CREB5: variants seen among roughly 807,000 people sequenced by gnomAD.
CREB5 encodes the protein cyclic AMP-responsive element-binding protein 5.
Under a neutral mutation model 57.1 loss-of-function variants are expected in CREB5, and 19 were observed. The ratio of observed to expected loss-of-function variants is 0.33; its 90% confidence interval spans 0.23 to 0.49. CREB5 has a LOEUF of 0.49. Among genes scored for constraint, CREB5 ranks in the 20% least tolerant of loss-of-function variants. CREB5 has a pLI of 0.99. For missense variants in CREB5, 579 were observed against 671.6 expected, an observed-to-expected ratio of 0.86 and a Z score of 1.52; for synonymous variants, 238 against 238.3, an observed-to-expected ratio of 1.00 and a Z score of 0.01.
At chr7:28,733,442 C>G (rs977280051) in intron 7 of CREB5, among the ~76,000 whole-genome samples, 3 of 152,178 alleles carry the variant, frequency 2.0e-5, no homozygotes, top group African/African-American at 7.2e-5. Flanking sequence ...CTCAGGAGCC[C>G]GGCATTTTCC....
At chr7:28,527,964 C>T in intron 4 of CREB5, among the ~76,000 whole-genome samples, 1 of 152,218 alleles carries the variant, frequency 6.6e-6, no homozygotes, top group South Asian at 2.1e-4. Context: ...CTTACCAAGT[C>T]ATTTAACTTT....
chr7:28,665,260 A>G (rs575133869), intron 5 of CREB5, among the ~76,000 whole-genome samples: 184 of 152,254 alleles, frequency 1.2e-3, no homozygotes, highest in African/African-American at 4.3e-3. Flanking sequence ...ACCAGTGATC[A>G]ATGTTGCCTG....
intron 4 of CREB5, among the ~76,000 whole-genome samples, chr7:28,561,289 A>G (rs1389824609): frequency 6.6e-6 from 1 of 152,210 alleles, no homozygotes; most frequent in Non-Finnish European, 1.5e-5. Flanking sequence ...GTTCAGAGCT[A>G]GAAGGAAGAC....
intron 5 of CREB5, among the ~76,000 whole-genome samples, chr7:28,647,744 G>T (rs1273149810): frequency 2.6e-5 from 4 of 152,124 alleles, no homozygotes; most frequent in Non-Finnish European, 5.9e-5. Flanking sequence ...TGGAAATGTG[G>T]CTGGTGCAAC....
intron 7 of CREB5, among the ~76,000 whole-genome samples, chr7:28,803,705 G>A (rs150408370): frequency 0.061 from 8,847 of 145,056 alleles, 346 homozygotes; most frequent in East Asian, 0.091. Context: ...GCAGTGAGCC[G>A]AGATCGCACC....
intron 9 of CREB5, among the ~76,000 whole-genome samples, chr7:28,810,946 A>C (rs941634411): frequency 6.6e-6 from 1 of 152,148 alleles, no homozygotes; most frequent in Non-Finnish European, 1.5e-5. Flanking sequence ...TTCCCCCTAA[A>C]TGTGTCATTC....
At chr7:28,777,877 A>C (rs372373243) in intron 7 of CREB5, among the ~76,000 whole-genome samples, 11 of 152,316 alleles carry the variant, frequency 7.2e-5, no homozygotes, top group African/African-American at 2.4e-4. Flanking sequence ...GTCACTTGGA[A>C]CTCAGTTACT....
At chr7:28,366,358 A>G (rs1786586676) in intron 1 of CREB5, among the ~76,000 whole-genome samples, 1 of 152,216 alleles carries the variant, frequency 6.6e-6, no homozygotes, top group Admixed American at 6.5e-5. Context: ...TCTAAAAGAA[A>G]ACTGTATTGT....
intron 1 of CREB5, among the ~76,000 whole-genome samples, chr7:28,335,342 T>C (rs1785803953): frequency 6.6e-6 from 1 of 152,172 alleles, no homozygotes; most frequent in African/African-American, 2.4e-5. Context: ...AAATGTCTTT[T>C]CATTTTCTTC....
At chr7:28,646,340 G>A (rs557334750) in intron 5 of CREB5, among the ~76,000 whole-genome samples, 1 of 152,192 alleles carries the variant, frequency 6.6e-6, no homozygotes, top group East Asian at 1.9e-4. Context: ...AGGTAGTCTA[G>A]TGGTTAGGGG....
intron 7 of CREB5, among the ~76,000 whole-genome samples, chr7:28,774,424 T>C (rs1806509215): frequency 6.6e-6 from 1 of 152,174 alleles, no homozygotes; most frequent in Non-Finnish European, 1.5e-5. Flanking sequence ...TATGGGTCCT[T>C]TTAAAAGGCA....
intron 1 of CREB5, among the ~76,000 whole-genome samples, chr7:28,351,855 G>T (rs1342583699): frequency 1.3e-5 from 2 of 152,144 alleles, no homozygotes; most frequent in African/African-American, 4.8e-5. Flanking sequence ...CAGTAATAAA[G>T]TTTGGTAATA....
chr7:28,402,388 A>G (rs1787486404), intron 1 of CREB5, among the ~76,000 whole-genome samples: 1 of 152,220 alleles, frequency 6.6e-6, no homozygotes, highest in Non-Finnish European at 1.5e-5. Flanking sequence ...AAAGGAACAA[A>G]GCTGGAGGCA....
At chr7:28,600,310 C>T (rs1035385717) in intron 5 of CREB5, among the ~76,000 whole-genome samples, 4 of 152,172 alleles carry the variant, frequency 2.6e-5, no homozygotes, top group Admixed American at 6.6e-5. Context: ...GTCCTGACAT[C>T]TCCTCCCGTG....
chr7:28,623,909 T>A (rs192121703), intron 5 of CREB5, among the ~76,000 whole-genome samples: 1 of 152,322 alleles, frequency 6.6e-6, no homozygotes, highest in Admixed American at 6.5e-5. Context: ...TAGTCTACTT[T>A]GCCACTTTGT....
intron 5 of CREB5, among the ~76,000 whole-genome samples, chr7:28,621,780 C>T (rs981049635): frequency 2.0e-5 from 3 of 152,048 alleles, no homozygotes; most frequent in African/African-American, 4.8e-5. Flanking sequence ...AGGATGATGT[C>T]GTCATACCAA....
chr7:28,808,923 G>C (rs1808919203), intron 8 of CREB5, among the ~76,000 whole-genome samples: 1 of 152,006 alleles, frequency 6.6e-6, no homozygotes, highest in African/African-American at 2.4e-5. Context: ...ATGCCTGTCA[G>C]GGAAAAATCC....
At chr7:28,811,051 G>A (rs1475384897) in intron 9 of CREB5, among the ~76,000 whole-genome samples, 3 of 152,084 alleles carry the variant, frequency 2.0e-5, no homozygotes, top group East Asian at 3.9e-4. Flanking sequence ...TGTATGCCGC[G>A]GGAAGATTGG....
At position 28,785,961 on chromosome 7, in the gene CREB5, T is replaced by A. The variant is rs1242622764; in HGVS notation, c.703-18238T>A. Among the ~76,000 whole-genome samples, 3 of 152,182 alleles carry A rather than the reference T, an allele frequency of 2.0e-5. No individual in the cohort carries two copies. The East Asian group carries it at 5.8e-4, about 29-fold the overall frequency. On this transcript the variant is annotated intron_variant, in intron 7 of 10. Transcript: ENST00000357727. ...AGACTTCTACATTATATCTAGAACG[T>A]GGTCACGTGTCATCGTGCCTCCTTC...
Sources: gnomAD v4.1 joint callset for allele counts (sites outside exome capture counted in the v4.1 genomes callset) on GRCh38, gnomAD v4.1.1 for gene constraint, MANE v1.5 for transcripts, NCBI Gene and HGNC (gene_info 2026-07-23, HGNC 2026-07-21) for gene names.